The following SULT1E1 variants were observed in gnomAD, a reference collection of about 807,000 sequenced individuals.
SULT1E1 encodes the protein sulfotransferase 1E1.
SULT1E1 carries 36 observed loss-of-function variants against 33.6 expected under a neutral mutation model. The observed-to-expected ratio is 1.07, with a 90% confidence interval of 0.82 to 1.41. The LOEUF is 1.41. Ranked by LOEUF, SULT1E1 falls within the 40% of genes most tolerant of loss-of-function variation. SULT1E1 has a pLI of 0.00. For missense variants in SULT1E1, 371 were observed against 345.7 expected, an observed-to-expected ratio of 1.07 and a Z score of -0.58; for synonymous variants, 121 against 111.7, an observed-to-expected ratio of 1.08 and a Z score of -0.53.
Position 69,849,582 on chromosome 4 carries a change from A to G in SULT1E1, c.370-19T>C, listed in dbSNP as rs894288476. 8.4e-6 allele frequency: 13 copies of G among 1,554,768 alleles called. No individual in the cohort carries two copies. The highest frequency in any genetic ancestry group is 2.3e-5 in the East Asian group (1 of 44,130). ...AGATTATCTAAGAGGATGAAATTGTATATTAAACCACTTAACATTTTTTTC... is the reference window on the plus strand; with the variant it reads ...AGATTATCTAAGAGGATGAAATTGTGTATTAAACCACTTAACATTTTTTTC... On this transcript the variant is annotated intron_variant, in intron 4 of 7. Transcript: ENST00000226444.
At chr4:69,836,735 A>C (rs1280725114), downstream of SULT1E1, among the ~76,000 whole-genome samples, 1 of 152,082 alleles carries the variant, frequency 6.6e-6, no homozygotes, top group Non-Finnish European at 1.5e-5. Context: ...TTTTGCATAC[A>C]TGTGTTTGTG....
intron 6 of SULT1E1, among the ~76,000 whole-genome samples, chr4:69,845,000 T>G (rs896875424): frequency 1.3e-5 from 2 of 152,108 alleles, no homozygotes; most frequent in African/African-American, 4.8e-5. Flanking sequence ...GTAGTTTGCC[T>G]TTTCGATTTC....
intron 1 of SULT1E1, among the ~76,000 whole-genome samples, chr4:69,859,001 T>C (rs1207003505): frequency 6.6e-6 from 1 of 152,112 alleles, no homozygotes; most frequent in Non-Finnish European, 1.5e-5. Context: ...AGGTGGCATG[T>C]AATAAAATAT....
downstream of SULT1E1, among the ~76,000 whole-genome samples, chr4:69,837,467 G>A (rs1720813191): frequency 6.6e-6 from 1 of 152,004 alleles, no homozygotes; most frequent in Non-Finnish European, 1.5e-5. Flanking sequence ...GTCAAAGAAA[G>A]TGTTTGTTTG....
At position 69,841,374 on chromosome 4, in the gene SULT1E1, T is replaced by C. The variant is rs1328171130; in HGVS notation, c.*620A>G. ...GAAAACAAAATTTAAGAGATGATAGTAGGAAAAAAAAGTTTCTTATTTCTC... is the reference window on the plus strand; with the variant it reads ...GAAAACAAAATTTAAGAGATGATAGCAGGAAAAAAAAGTTTCTTATTTCTC... On this transcript the variant is annotated 3_prime_UTR_variant, in exon 8 of 8. Transcript: ENST00000226444. 6.6e-6 allele frequency: 1 copy of C among 151,908 alleles called. No individual in the cohort carries two copies. Among genetic ancestry groups the C allele is most frequent in the East Asian group, 1.9e-4 (1 of 5,170 alleles). 9.4% of individuals were successfully genotyped at this position (151,908 alleles called of 1,614,324 possible).
chr4:69,850,412 G>C (rs1721077959), intron 4 of SULT1E1, among the ~76,000 whole-genome samples: 1 of 151,978 alleles, frequency 6.6e-6, no homozygotes, highest in Admixed American at 6.6e-5. Flanking sequence ...ACTGTTTATG[G>C]AATACCACTA....
intron 1 of SULT1E1, among the ~76,000 whole-genome samples, chr4:69,858,512 G>A (rs909817774): frequency 6.6e-6 from 1 of 152,000 alleles, no homozygotes; most frequent in East Asian, 1.9e-4. Flanking sequence ...TCAAGTTTCT[G>A]ACATAGCTTC....
chr4:69,843,656 T>A (rs1560553867), intron 7 of SULT1E1, among the ~76,000 whole-genome samples: 1 of 152,216 alleles, frequency 6.6e-6, no homozygotes, highest in African/African-American at 2.4e-5. Flanking sequence ...AGAATTTTTT[T>A]CTCCTTATAT....
intron 2 of SULT1E1, among the ~76,000 whole-genome samples, chr4:69,856,778 A>T (rs146121729): frequency 0.12 from 17,497 of 151,824 alleles, 1,136 homozygotes; most frequent in Middle Eastern, 0.18. Flanking sequence ...ACTAAAAAAT[A>T]CAAAAAAATT....
At chr4:69,821,184 T>G in the SULT1E1 span, among the ~76,000 whole-genome samples, 2 of 152,176 alleles carry the variant, frequency 1.3e-5, no homozygotes, top group African/African-American at 4.8e-5. Context: ...TAAAACACTG[T>G]TTTTTAATAA....
intron 4 of SULT1E1, among the ~76,000 whole-genome samples, chr4:69,851,911 G>A (rs182597512): frequency 4.3e-4 from 66 of 152,160 alleles, no homozygotes; most frequent in African/African-American, 1.6e-3. Flanking sequence ...ACTCATAGGT[G>A]GGAAGTGAAC....
At chr4:69,828,575 T>TTTAACCACCTTTAA in the SULT1E1 span, among the ~76,000 whole-genome samples, 4 of 152,144 alleles carry the variant, frequency 2.6e-5, no homozygotes, top group African/African-American at 9.7e-5. Flanking sequence ...CTTTAAGAAC[T>TTTAACCACCTTTAA]GTAACAGTCA....
At chr4:69,829,123 C>T in the SULT1E1 span, among the ~76,000 whole-genome samples, 1 of 152,160 alleles carries the variant, frequency 6.6e-6, no homozygotes, top group Non-Finnish European at 1.5e-5. Context: ...AACCAAGTGG[C>T]ACTTGCTGGA....
chr4:69,828,522 G>T, the SULT1E1 span, among the ~76,000 whole-genome samples: 1 of 152,080 alleles, frequency 6.6e-6, no homozygotes, highest in Admixed American at 6.5e-5. Flanking sequence ...AGAAACTCTG[G>T]ACACATCTGA....
chr4:69,839,919 T>C (rs758430615), downstream of SULT1E1, among the ~76,000 whole-genome samples: 10 of 152,248 alleles, frequency 6.6e-5, no homozygotes, highest in Non-Finnish European at 1.0e-4. Flanking sequence ...TGGAATGTGT[T>C]GTTCCACCAA....
chr4:69,846,283 C>A (rs1322453073), intron 6 of SULT1E1, among the ~76,000 whole-genome samples: 4 of 136,532 alleles, frequency 2.9e-5, no homozygotes, highest in African/African-American at 1.1e-4. Flanking sequence ...CCTCTACTCC[C>A]ATCCCACATA....
chr4:69,827,452 A>G, the SULT1E1 span, among the ~76,000 whole-genome samples: 3 of 152,126 alleles, frequency 2.0e-5, no homozygotes, highest in African/African-American at 7.2e-5. Context: ...GAATTAGGAA[A>G]AAAGCCCATG....
chr4:69,824,420 TC>T, the SULT1E1 span, among the ~76,000 whole-genome samples: 1 of 152,142 alleles, frequency 6.6e-6, no homozygotes, highest in African/African-American at 2.4e-5. Flanking sequence ...GAGTCAAGGG[TC>T]CTTTGATTTC....
chr4:69,828,301 T>C, the SULT1E1 span, among the ~76,000 whole-genome samples: 1 of 152,326 alleles, frequency 6.6e-6, no homozygotes, highest in African/African-American at 2.4e-5. Context: ...TAAATCTTGC[T>C]GCCACTCACT....
Sources: allele counts gnomAD v4.1 joint callset (sites outside exome capture counted in the v4.1 genomes callset), GRCh38; gene constraint gnomAD v4.1.1; transcripts MANE v1.5; gene names NCBI Gene and HGNC (gene_info 2026-07-23, HGNC 2026-07-21).